PPP1R9A: variants seen among roughly 807,000 people sequenced by gnomAD.
PPP1R9A encodes protein phosphatase 1 regulatory subunit 9A.
Under a neutral mutation model 141.9 loss-of-function variants are expected in PPP1R9A, and 59 were observed. That is an observed-to-expected ratio of 0.42 (90% CI 0.34 to 0.52). PPP1R9A has a LOEUF of 0.52. Among genes scored for constraint, PPP1R9A ranks in the 20% least tolerant of loss-of-function variants. The probability of loss-of-function intolerance (pLI) is 0.10; values close to 1 mark genes in which losing one functional copy is unlikely to be tolerated. For synonymous variants in PPP1R9A, 500 were observed against 569.7 expected, an observed-to-expected ratio of 0.88 and a Z score of 1.74; for missense variants, 1,444 against 1,611.9, an observed-to-expected ratio of 0.90 and a Z score of 1.78.
At chr7:95,151,724 G>A (rs1042855671) in intron 4 of PPP1R9A, among the ~76,000 whole-genome samples, 7 of 151,336 alleles carry the variant, frequency 4.6e-5, no homozygotes, top group African/African-American at 9.7e-5. Flanking sequence ...GGGAGACTGT[G>A]CATGTGTGCA....
At chr7:94,942,352 A>C (rs924839797) in intron 2 of PPP1R9A, among the ~76,000 whole-genome samples, 1 of 152,214 alleles carries the variant, frequency 6.6e-6, no homozygotes, top group Non-Finnish European at 1.5e-5. Context: ...GAATAAGTCA[A>C]CCCTATCAAT....
At chr7:95,197,184 T>C (rs185743801) in intron 5 of PPP1R9A, among the ~76,000 whole-genome samples, 7 of 152,254 alleles carry the variant, frequency 4.6e-5, no homozygotes, top group Admixed American at 1.3e-4. Context: ...AAAGCATCAA[T>C]TAAATGTAGA....
At chr7:94,980,718 G>A (rs559702047) in intron 2 of PPP1R9A, among the ~76,000 whole-genome samples, 2 of 151,584 alleles carry the variant, frequency 1.3e-5, no homozygotes, top group Non-Finnish European at 2.9e-5. Flanking sequence ...CTGAGGTGCC[G>A]CACAACTATG....
intron 5 of PPP1R9A, among the ~76,000 whole-genome samples, chr7:95,196,507 C>T (rs1276185870): frequency 6.6e-6 from 1 of 152,130 alleles, no homozygotes; most frequent in African/African-American, 2.4e-5. Flanking sequence ...CACATAAAGA[C>T]TTGTTCACAA....
intron 12 of PPP1R9A, among the ~76,000 whole-genome samples, chr7:95,265,200 T>G (rs1801089210): frequency 6.6e-6 from 1 of 152,204 alleles, no homozygotes; most frequent in African/African-American, 2.4e-5. Context: ...CATGTGCTTT[T>G]GTTGGGAACA....
At chr7:95,156,343 G>A (rs1301632277) in intron 4 of PPP1R9A, 1 of 152,290 alleles carries the variant, frequency 6.6e-6, no homozygotes, top group African/African-American at 2.4e-5. Context: ...CCCAAAGAGG[G>A]AGTCACAGCC....
intron 12 of PPP1R9A, among the ~76,000 whole-genome samples, chr7:95,254,445 G>A (rs1304502680): frequency 1.3e-5 from 2 of 152,102 alleles, no homozygotes; most frequent in East Asian, 1.9e-4. Context: ...ACCTAACATA[G>A]GCCATTCCAC....
intron 7 of PPP1R9A, among the ~76,000 whole-genome samples, chr7:95,213,688 G>C (rs528694341): frequency 6.6e-6 from 1 of 152,020 alleles, no homozygotes; most frequent in South Asian, 2.1e-4. Flanking sequence ...TTTGAACTCT[G>C]TTTGGAAGCC....
At chr7:95,256,594 A>G (rs931038240) in intron 12 of PPP1R9A, among the ~76,000 whole-genome samples, 1 of 152,148 alleles carries the variant, frequency 6.6e-6, no homozygotes, top group African/African-American at 2.4e-5. Flanking sequence ...TAAGTGTATT[A>G]CTACTGCTTC....
Position 95,085,776 on chromosome 7 carries a change from C to CAA in PPP1R9A, c.1396-25482_1396-25481insAA, listed in dbSNP as rs1433244653. 2.4e-4 allele frequency among the ~76,000 whole-genome samples: 36 copies of CAA among 152,082 alleles called. No individual in the cohort carries two copies. In the East Asian group the frequency reaches 3.9e-3, roughly 16 times the overall value. ...TCTCTCAGTTTATAACTTGTATTTT[C>CAA]ACTTGGTATATGTTTCCTTATAATA... On this transcript the variant is annotated intron_variant, in intron 2 of 19. Transcript: ENST00000433360.
intron 2 of PPP1R9A, among the ~76,000 whole-genome samples, chr7:95,048,619 T>C (rs910757692): frequency 5.9e-5 from 9 of 152,068 alleles, no homozygotes; most frequent in Non-Finnish European, 1.3e-4. Flanking sequence ...CTTGGCTCAC[T>C]GCAGCCTTCG....
intron 4 of PPP1R9A, among the ~76,000 whole-genome samples, chr7:95,128,916 C>A (rs1272882367): frequency 1.3e-5 from 2 of 152,110 alleles, no homozygotes; most frequent in Non-Finnish European, 2.9e-5. Flanking sequence ...GTCATAAATT[C>A]TCTCCCAAGG....
At chr7:94,926,160 T>G (rs1793458273) in intron 2 of PPP1R9A, among the ~76,000 whole-genome samples, 1 of 152,172 alleles carries the variant, frequency 6.6e-6, no homozygotes, top group Non-Finnish European at 1.5e-5. Context: ...TATGATTTAT[T>G]TATAGGTAAA....
intron 2 of PPP1R9A, among the ~76,000 whole-genome samples, chr7:95,043,391 A>G (rs1809535099): frequency 6.6e-6 from 1 of 152,220 alleles, no homozygotes; most frequent in South Asian, 2.1e-4. Context: ...AACATACAAC[A>G]CAAATGAATA....
At chr7:94,935,665 C>T (rs1020583058) in intron 2 of PPP1R9A, among the ~76,000 whole-genome samples, 1 of 152,128 alleles carries the variant, frequency 6.6e-6, no homozygotes, top group African/African-American at 2.4e-5. Flanking sequence ...TTCTTATTGC[C>T]TTTCCCACCT....
At chr7:95,209,351 T>G (rs1206046287) in intron 7 of PPP1R9A, among the ~76,000 whole-genome samples, 1 of 152,172 alleles carries the variant, frequency 6.6e-6, no homozygotes, top group Non-Finnish European at 1.5e-5. Context: ...TCTTTAAAAG[T>G]ACAGATTTAC....
intron 16 of PPP1R9A, among the ~76,000 whole-genome samples, chr7:95,282,651 C>A (rs1220186136): frequency 6.6e-6 from 1 of 152,184 alleles, no homozygotes; most frequent in African/African-American, 2.4e-5. Flanking sequence ...CCTATATAAT[C>A]AACCAGATTC....
chr7:94,915,051 C>T (rs1172362320), intron 2 of PPP1R9A, among the ~76,000 whole-genome samples: 1 of 152,096 alleles, frequency 6.6e-6, no homozygotes, highest in Non-Finnish European at 1.5e-5. Context: ...ATTCTTGAAA[C>T]AGCATATCTG....
chr7:95,041,927 C>T (rs1809302946), intron 2 of PPP1R9A, among the ~76,000 whole-genome samples: 1 of 152,068 alleles, frequency 6.6e-6, no homozygotes, highest in Non-Finnish European at 1.5e-5. Context: ...AGTTACAACA[C>T]TTTACATGGC....
Sources: gnomAD v4.1 joint callset for allele counts (sites outside exome capture counted in the v4.1 genomes callset) on GRCh38, gnomAD v4.1.1 for gene constraint, MANE v1.5 for transcripts, NCBI Gene and HGNC (gene_info 2026-07-23, HGNC 2026-07-21) for gene names.